The following TENM1 variants were observed in gnomAD, a reference collection of about 807,000 sequenced individuals.
TENM1 encodes the protein teneurin-1.
A neutral mutation model predicts 174.8 loss-of-function variants in TENM1; 35 were observed. The ratio of observed to expected loss-of-function variants is 0.20; its 90% CI spans 0.15 to 0.27. The LOEUF (loss-of-function observed/expected upper bound fraction) is 0.27, where lower values mean the gene tolerates loss of function less well. TENM1 is among the 10% of genes least tolerant of loss of function. The pLI is 1.00. For synonymous variants in TENM1, 781 were observed against 798.7 expected, an observed-to-expected ratio of 0.98 and a Z score of 0.37; for missense variants, 1,633 against 2,130.1, an observed-to-expected ratio of 0.77 and a Z score of 4.59.
At chrX:124,738,342 T>C (rs1288995001) in intron 3 of TENM1, among the ~76,000 whole-genome samples, 1 of 111,181 alleles carries the variant, frequency 9.0e-6, no homozygotes, top group Non-Finnish European at 1.9e-5. Flanking sequence ...AAAAAAAAAA[T>C]CACTTCTTTC....
chrX:124,792,975 A>G (rs778419452), intron 3 of TENM1, among the ~76,000 whole-genome samples: 4 of 112,350 alleles, frequency 3.6e-5, no homozygotes, highest in African/African-American at 1.3e-4. Context: ...CTATCATTAA[A>G]GAAACAAATA....
chrX:125,054,264 G>A, the TENM1 span, among the ~76,000 whole-genome samples: 31 of 110,020 alleles, frequency 2.8e-4, no homozygotes, highest in Non-Finnish European at 4.9e-4. Context: ...GGCCATGCAA[G>A]ACGTGCCTGT....
At chrX:124,781,437 T>C (rs902127938) in intron 3 of TENM1, among the ~76,000 whole-genome samples, 3 of 111,839 alleles carry the variant, frequency 2.7e-5, no homozygotes, top group African/African-American at 6.5e-5. Context: ...TCTCCTCAGA[T>C]AGATTAAAAA....
chrX:124,729,038 G>A (rs1179019851), intron 4 of TENM1, among the ~76,000 whole-genome samples: 2 of 112,470 alleles, frequency 1.8e-5, no homozygotes, highest in Non-Finnish European at 3.8e-5. Flanking sequence ...ACTAAACCAT[G>A]CATTTCTGGA....
chrX:124,513,747 G>A (rs1334705426), intron 18 of TENM1, among the ~76,000 whole-genome samples: 1 of 111,711 alleles, frequency 9.0e-6, no homozygotes, highest in Non-Finnish European at 1.9e-5. Flanking sequence ...CTCAATGGTT[G>A]TATATTTGAT....
At position 124,913,932 on chromosome X, in the gene TENM1, T is replaced by C. The variant is rs192791508; in HGVS notation, c.218-17691A>G. On this transcript the variant is annotated intron_variant, in intron 1 of 31. Coordinates refer to ENST00000422452, the Ensembl canonical transcript of TENM1. Reference sequence around the variant, plus strand: ...GTGGCAAACACTGTGCTATACACTTTACATACATTCTGCATTTAATACTGA... The same window carrying C: ...GTGGCAAACACTGTGCTATACACTTCACATACATTCTGCATTTAATACTGA... Among the ~76,000 whole-genome samples the C allele has an allele frequency of 2.3e-3, 263 of 111,976 alleles. 3 individuals carry two copies. The highest frequency in any genetic ancestry group is 7.7e-3 in the African/African-American group (238 of 30,895).
intron 11 of TENM1, among the ~76,000 whole-genome samples, chrX:124,598,856 A>G (rs933769212): frequency 1.8e-5 from 2 of 111,621 alleles, no homozygotes; most frequent in African/African-American, 3.3e-5. Flanking sequence ...ACAGGGTGAC[A>G]ATAGTCAATA....
At chrX:125,051,289 A>G in the TENM1 span, among the ~76,000 whole-genome samples, 24,400 of 110,226 alleles carry the variant, frequency 0.22, 2,358 homozygotes, top group African/African-American at 0.35. Context: ...TATAGATTCA[A>G]TGCCATCCCC....
chrX:124,623,281 A>G (rs1369200459), intron 11 of TENM1, among the ~76,000 whole-genome samples: 3 of 110,975 alleles, frequency 2.7e-5, no homozygotes, highest in African/African-American at 9.8e-5. Context: ...GTGAGTGTGC[A>G]AGAGTCTGAG....
chrX:125,099,860 C>T, the TENM1 span, among the ~76,000 whole-genome samples: 1 of 111,774 alleles, frequency 8.9e-6, no homozygotes, highest in Non-Finnish European at 1.9e-5. Context: ...CTAAATTATC[C>T]TTTTAATAAA....
intron 5 of TENM1, among the ~76,000 whole-genome samples, chrX:124,693,174 GTT>G (rs1393366206): frequency 2.7e-5 from 3 of 110,220 alleles, no homozygotes; most frequent in Non-Finnish European, 5.7e-5. Context: ...AATAATTGAA[GTT>G]TAATATTTTT....
At chrX:124,957,757 T>C (rs928716574) in intron 1 of TENM1, among the ~76,000 whole-genome samples, 2 of 110,999 alleles carry the variant, frequency 1.8e-5, no homozygotes, top group African/African-American at 6.6e-5. Context: ...AAATGAAATG[T>C]TTGTGTCATC....
the TENM1 span, among the ~76,000 whole-genome samples, chrX:125,065,264 T>C: frequency 8.0e-5 from 9 of 111,985 alleles, no homozygotes; most frequent in African/African-American, 2.6e-4. Flanking sequence ...CAAAGAATGA[T>C]AACAGCTGCT....
the TENM1 span, among the ~76,000 whole-genome samples, chrX:124,977,437 A>C: frequency 1.8e-5 from 2 of 111,453 alleles, no homozygotes; most frequent in African/African-American, 6.5e-5. Flanking sequence ...TGATATGTTT[A>C]CTGTTTGTTT....
chrX:124,457,374 A>C (rs2061121214), intron 22 of TENM1, among the ~76,000 whole-genome samples: 1 of 111,979 alleles, frequency 8.9e-6, no homozygotes, highest in African/African-American at 3.2e-5. Context: ...CTCATAAATA[A>C]AGTGCATCTT....
intron 8 of TENM1, among the ~76,000 whole-genome samples, chrX:124,648,868 C>T (rs967096686): frequency 2.7e-5 from 3 of 112,003 alleles, no homozygotes; most frequent in Non-Finnish European, 5.6e-5. Flanking sequence ...ATAAAGCTTG[C>T]TATCAAAATA....
intron 21 of TENM1, among the ~76,000 whole-genome samples, chrX:124,483,317 AT>A (rs2046884610): frequency 9.0e-6 from 1 of 111,171 alleles, no homozygotes; most frequent in South Asian, 3.8e-4. Context: ...ATATTAAATT[AT>A]TTGTTTATGC....
rs761521312 is a variant in TENM1 at position 124,434,506 on chromosome X, C to T, written c.4105-11868G>A. Reference sequence around the variant, plus strand: ...TGCCTCAGAACAATCAGCACGTACACACTCTCTCTGAGTCTGCTGTGTAAT... The same window carrying T: ...TGCCTCAGAACAATCAGCACGTACATACTCTCTCTGAGTCTGCTGTGTAAT... On this transcript the variant is annotated intron_variant, in intron 23 of 31. Coordinates refer to ENST00000422452, the Ensembl canonical transcript of TENM1. Among the ~76,000 whole-genome samples, 3 of 112,235 alleles carry T rather than the reference C, an allele frequency of 2.7e-5. No individual in the cohort carries two copies. In the Admixed American group the frequency reaches 2.8e-4, roughly 11 times the overall value.
chrX:124,951,682 A>G (rs1301685156), intron 1 of TENM1, among the ~76,000 whole-genome samples: 1 of 93,675 alleles, frequency 1.1e-5, no homozygotes, highest in African/African-American at 3.7e-5. Flanking sequence ...ATAACAATCA[A>G]TGTGACAAAT....
Sources: gnomAD v4.1 joint callset for allele counts (sites outside exome capture counted in the v4.1 genomes callset) on GRCh38, gnomAD v4.1.1 for gene constraint, MANE v1.5 for transcripts, NCBI Gene and HGNC (gene_info 2026-07-23, HGNC 2026-07-21) for gene names.